The following OSBPL11 variants were observed in gnomAD, a reference collection of about 807,000 sequenced individuals.
OSBPL11 encodes the protein oxysterol-binding protein-related protein 11.
OSBPL11 carries 33 observed loss-of-function variants against 84.4 expected under a neutral mutation model. That is an observed-to-expected ratio of 0.39 (90% confidence interval 0.30 to 0.52). The LOEUF (loss-of-function observed/expected upper bound fraction) is 0.52. Among genes scored for constraint, OSBPL11 ranks in the 20% least tolerant of loss-of-function variants. The pLI, the probability that OSBPL11 is intolerant of heterozygous loss-of-function variation, is 0.72. For synonymous variants in OSBPL11, 276 were observed against 310.2 expected, an observed-to-expected ratio of 0.89 and a Z score of 1.16; for missense variants, 736 against 901.1, an observed-to-expected ratio of 0.82 and a Z score of 2.35.
intron 6 of OSBPL11, among the ~76,000 whole-genome samples, chr3:125,566,265 C>T (rs1936155905): frequency 6.6e-6 from 1 of 152,130 alleles, no homozygotes; most frequent in African/African-American, 2.4e-5. Flanking sequence ...CTCAGCTGCC[C>T]AAAGTGCTGA....
In OSBPL11 at chr3:125,530,343, T is replaced by A. The variant is rs1331063524; in HGVS notation, c.*172A>T. On this transcript the variant is annotated 3_prime_UTR_variant, in exon 13 of 13. Coordinates refer to ENST00000296220, the MANE Select transcript of OSBPL11 (RefSeq NM_022776.5). ...TGGTAAAAGGTCCACTGTGTTTCTT[T>A]ACCACTTTGGTCTTGCTGCAGTATT... The A allele has an allele frequency of 1.6e-6, 1 of 636,948 alleles. No individual in the cohort carries two copies. The highest frequency in any genetic ancestry group is 2.8e-6 in the Non-Finnish European group (1 of 353,654). 39.5% of individuals were successfully genotyped at this position (636,948 alleles called of 1,614,324 possible). A position where few individuals can be genotyped will look rare whatever the true frequency, so the allele number is the denominator to read the frequency against.
chr3:125,540,032 C>T (rs779566682), intron 10 of OSBPL11, among the ~76,000 whole-genome samples: 1 of 152,086 alleles, frequency 6.6e-6, no homozygotes, highest in Non-Finnish European at 1.5e-5. Context: ...AGTTTTGCAG[C>T]GAGTGGTCTG....
chr3:125,584,030 C>T (rs1225383762), intron 1 of OSBPL11, among the ~76,000 whole-genome samples: 1 of 152,116 alleles, frequency 6.6e-6, no homozygotes. Flanking sequence ...AAGAGCTCCT[C>T]CTCTGTTTTA....
At chr3:125,550,472 T>C (rs1559838459) in intron 9 of OSBPL11, among the ~76,000 whole-genome samples, 1 of 150,748 alleles carries the variant, frequency 6.6e-6, no homozygotes, top group Non-Finnish European at 1.5e-5. Flanking sequence ...ACTTGAAATA[T>C]TATTTGGAAA....
chr3:125,578,293 T>G (rs778052977), intron 4 of OSBPL11, among the ~76,000 whole-genome samples: 16 of 152,180 alleles, frequency 1.1e-4, no homozygotes, highest in Non-Finnish European at 2.2e-4. Context: ...CCATATTATA[T>G]GGTTCAATTT....
At chr3:125,579,762 G>A in intron 3 of OSBPL11, 103 bp downstream of exon 3, 1 of 980,308 alleles carries the variant, frequency 1.0e-6, no homozygotes, top group East Asian at 2.4e-5. Context: ...CATCACTGAT[G>A]ACAGCAGTTT....
intron 7 of OSBPL11, among the ~76,000 whole-genome samples, chr3:125,562,202 G>GA (rs1423593987): frequency 6.6e-6 from 1 of 151,928 alleles, no homozygotes; most frequent in Non-Finnish European, 1.5e-5. Flanking sequence ...TATCAATTAA[G>GA]AAAAAAATAT....
At chr3:125,564,616 G>T (rs547284852) in intron 6 of OSBPL11, among the ~76,000 whole-genome samples, 115 of 151,570 alleles carry the variant, frequency 7.6e-4, no homozygotes, top group African/African-American at 2.7e-3. Flanking sequence ...GGGATGCTCA[G>T]ACTACTACAG....
rs1286057815 is a variant in OSBPL11, at chr3:125,567,519, C to T, written c.743G>A (p.Ser248Asn). 1 of 1,614,134 alleles carries T rather than the reference C, an allele frequency of 6.2e-7. No homozygotes were observed. Among genetic ancestry groups the T allele is most frequent in the Non-Finnish European group, 8.5e-7 (1 of 1,179,978 alleles). Residue 248 changes from serine (S) to asparagine (N), a missense_variant, in exon 6 of 13, where the codon AGT becomes AAT. Physicochemically the swap from Ser to Asn is conservative, Grantham distance 46. Transcript: ENST00000296220. ...CATTAAGAGATCCTGGTCCAAGGAACTAAGATGGCCAGAAGTAGGAAGGCA... is the reference window on the plus strand; with the variant it reads ...CATTAAGAGATCCTGGTCCAAGGAATTAAGATGGCCAGAAGTAGGAAGGCA... ...IECLPTSGHL[S>N]SLDQDLLMLK...
chr3:125,553,624 T>C (rs1935946609), intron 8 of OSBPL11, among the ~76,000 whole-genome samples: 1 of 152,188 alleles, frequency 6.6e-6, no homozygotes, highest in East Asian at 1.9e-4. Flanking sequence ...TCCAAGAATC[T>C]AGCCTTAGGA....
intron 11 of OSBPL11, among the ~76,000 whole-genome samples, chr3:125,537,992 A>T (rs1935667253): frequency 6.6e-6 from 1 of 152,224 alleles, no homozygotes; most frequent in African/African-American, 2.4e-5. Flanking sequence ...GTATTATTTT[A>T]AAAACTAATT....
Position 125,579,883 on chromosome 3 carries a change from C to G in OSBPL11, c.391G>C (p.Glu131Gln). ...HTFTVNAASG[E>Q]QYKLRATDAK... The stretch of plus-strand genomic sequence containing the variant: ...GTCATACCTCTGAGTTTATATTGTT[C>G]CCCACTGGCAGCGTTTACAGTGAAG... The change falls in exon 3 of 13, where the codon GAA (glutamate) becomes CAA (glutamine). Residue 131 changes from glutamate to glutamine, a missense_variant. Transcript: ENST00000296220. 1 of 1,614,096 alleles carries G rather than the reference C, an allele frequency of 6.2e-7. No homozygotes were observed. Among genetic ancestry groups the G allele is most frequent in the Non-Finnish European group, 8.5e-7 (1 of 1,180,004 alleles).
At chr3:125,583,068 A>G in intron 1 of OSBPL11, 90 bp from the exon 2 acceptor site, 1 of 839,736 alleles carries the variant, frequency 1.2e-6, no homozygotes, top group Non-Finnish European at 1.9e-6. Flanking sequence ...CTGCAGATAC[A>G]TATATGCTCT....
At chr3:125,539,300 CATATATATATATATATATATATATAT>C (rs10678056) in intron 10 of OSBPL11, among the ~76,000 whole-genome samples, 59 of 67,836 alleles carry the variant, frequency 8.7e-4, no homozygotes, top group Admixed American at 2.1e-3. Flanking sequence ...TCACCACAGC[CATATATATATATATATATATATATAT>C]ATATATATAT....
chr3:125,529,021 A>G lies in OSBPL11; in HGVS notation c.*1494T>C, dbSNP rs1386960834. ...TTTTCTTATAATTTACAATTTGTTG[A>G]AAAAATTATTGTTTTGCTGTTTTCA... On this transcript the variant is annotated 3_prime_UTR_variant, in exon 13 of 13. Transcript: ENST00000296220. 1 of 152,690 alleles carries G rather than the reference A, an allele frequency of 6.5e-6. No homozygotes were observed. The highest frequency in any genetic ancestry group is 1.5e-5 in the Non-Finnish European group (1 of 68,052). 9.5% of individuals were successfully genotyped at this position (152,690 alleles called of 1,614,324 possible). A position where few individuals can be genotyped will look rare whatever the true frequency, so the allele number is the denominator to read the frequency against.
At chr3:125,575,673 G>A (rs1031276858) in intron 5 of OSBPL11, among the ~76,000 whole-genome samples, 9 of 148,954 alleles carry the variant, frequency 6.0e-5, no homozygotes, top group Non-Finnish European at 1.2e-4. Flanking sequence ...GGTACGACAG[G>A]TGCACACCAC....
At chr3:125,581,187 G>A (rs1377124574) in intron 2 of OSBPL11, among the ~76,000 whole-genome samples, 2 of 151,750 alleles carry the variant, frequency 1.3e-5, no homozygotes, top group African/African-American at 4.8e-5. Flanking sequence ...CTGCCTCCCA[G>A]GTTCAAGCGA....
At chr3:125,586,412 G>A (rs1202632033) in intron 1 of OSBPL11, among the ~76,000 whole-genome samples, 1 of 152,058 alleles carries the variant, frequency 6.6e-6, no homozygotes, top group African/African-American at 2.4e-5. Flanking sequence ...ACTGTGCTAA[G>A]TGGCTTTATT....
In OSBPL11 at chr3:125,578,992, A is replaced by G. The variant is rs763430454; in HGVS notation, c.457T>C (p.Cys153Arg). ...RQHWVSRLQI[C>R]TQHHTEAIGK... ...ATAGCTTCAGTATGATGCTGTGTAC[A>G]TATCTGAAGTCTGCTAACCCAGTGC... The change falls in exon 4 of 13, where the codon TGT becomes CGT. Residue 153 changes from cysteine to arginine, a missense_variant. Transcript: ENST00000296220. The G allele has an allele frequency of 1.3e-6, 2 of 1,594,306 alleles. No individual in the cohort carries two copies. Among genetic ancestry groups the G allele is most frequent in the South Asian group, 1.1e-5 (1 of 87,440 alleles).
Sources: gnomAD v4.1 joint callset for allele counts (sites outside exome capture counted in the v4.1 genomes callset) on GRCh38, gnomAD v4.1.1 for gene constraint, MANE v1.5 for transcripts, NCBI Gene and HGNC (gene_info 2026-07-23, HGNC 2026-07-21) for gene names.